CDK14: variants seen among roughly 807,000 people sequenced by gnomAD.
The protein encoded by CDK14 is cyclin-dependent kinase 14.
A neutral mutation model predicts 60.7 loss-of-function variants in CDK14; 34 were observed. That is an observed-to-expected ratio of 0.56 (90% CI 0.43 to 0.75). CDK14 has a LOEUF of 0.75. CDK14 is among the 30% of genes least tolerant of loss of function. CDK14 has a pLI of 0.00. For missense variants in CDK14, 482 were observed against 564.1 expected, an observed-to-expected ratio of 0.85 and a Z score of 1.47; for synonymous variants, 197 against 203.7, an observed-to-expected ratio of 0.97 and a Z score of 0.28.
intron 10 of CDK14, among the ~76,000 whole-genome samples, chr7:91,000,443 C>T (rs1020614977): frequency 3.9e-5 from 6 of 152,142 alleles, no homozygotes; most frequent in Non-Finnish European, 4.4e-5. Flanking sequence ...CAGATTGTTT[C>T]CACCAATAGC....
At chr7:91,002,493 A>C (rs1176202967) in intron 10 of CDK14, among the ~76,000 whole-genome samples, 1 of 152,198 alleles carries the variant, frequency 6.6e-6, no homozygotes, top group Admixed American at 6.5e-5. Flanking sequence ...TTTTGATCCC[A>C]CAGCAGTTTT....
intron 5 of CDK14, among the ~76,000 whole-genome samples, chr7:90,828,972 TG>T (rs1287591736): frequency 1.3e-5 from 2 of 152,094 alleles, no homozygotes; most frequent in South Asian, 2.1e-4. Flanking sequence ...TCTGCATGTC[TG>T]GGGGAGGCCT....
chr7:91,004,803 A>G (rs188795872), intron 10 of CDK14, among the ~76,000 whole-genome samples: 27 of 152,344 alleles, frequency 1.8e-4, no homozygotes, highest in African/African-American at 6.3e-4. Context: ...TCCTGTACCA[A>G]TCAGGGTTCA....
chr7:90,926,021 A>C (rs1231586397), intron 8 of CDK14, among the ~76,000 whole-genome samples: 3 of 152,196 alleles, frequency 2.0e-5, no homozygotes, highest in African/African-American at 7.2e-5. Flanking sequence ...TGGGCCAGAG[A>C]TGGAAAATAA....
chr7:90,596,362 G>GGGGCCACGGCGGCGGCGCGGCGC lies in CDK14; in HGVS notation c.-259_-258insGGCGGCGGCGCGGCGCGGGCCAC, dbSNP rs1563009859. Reference sequence around the variant, plus strand: ...GAGCCGGGCGGCGGCGGCGCGGCGCGGGGCCACCACGGCGGCGGCGAGCGC... The same window carrying GGGGCCACGGCGGCGGCGCGGCGC: ...GAGCCGGGCGGCGGCGGCGCGGCGCGGGGCCACGGCGGCGGCGCGGCGCGGGCCACCACGGCGGCGGCGAGCGC... On this transcript the variant is annotated 5_prime_UTR_variant, in exon 1 of 15. An upstream open reading frame in the 5' UTR loses its in-frame stop. Coordinates refer to ENST00000380050, the MANE Select transcript of CDK14 (RefSeq NM_001287135.2). 1 of 160,676 alleles carries GGGGCCACGGCGGCGGCGCGGCGC rather than the reference G, an allele frequency of 6.2e-6. No homozygotes were observed. The highest frequency in any genetic ancestry group is 2.4e-5 in the African/African-American group (1 of 41,366). 10.0% of individuals were successfully genotyped at this position (160,676 alleles called of 1,614,324 possible).
At chr7:91,112,494 T>C in intron 12 of CDK14, 48 bp from the exon 13 acceptor site, 6 of 1,568,172 alleles carry the variant, frequency 3.8e-6, no homozygotes, top group Non-Finnish European at 5.2e-6. Flanking sequence ...TCTTATTTAG[T>C]GGATTTTCTT....
chr7:90,604,282 T>A, intron 2 of CDK14, 33 bp downstream of exon 2: 1 of 1,402,036 alleles, frequency 7.1e-7, no homozygotes, highest in Non-Finnish European at 9.7e-7. Context: ...ATGTTAGATG[T>A]ATTTAATGAC....
At chr7:90,757,749 G>A (rs941919667) in intron 4 of CDK14, among the ~76,000 whole-genome samples, 1 of 151,942 alleles carries the variant, frequency 6.6e-6, no homozygotes, top group Non-Finnish European at 1.5e-5. Context: ...CTACAGGCAC[G>A]TGCCACCACA....
At chr7:90,890,795 G>C (rs1792096482) in intron 6 of CDK14, among the ~76,000 whole-genome samples, 1 of 152,188 alleles carries the variant, frequency 6.6e-6, no homozygotes, top group African/African-American at 2.4e-5. Flanking sequence ...GAAGAAAGGA[G>C]GGTTCAGCTT....
At chr7:90,977,032 T>C (rs1444153132) in intron 9 of CDK14, among the ~76,000 whole-genome samples, 1 of 152,182 alleles carries the variant, frequency 6.6e-6, no homozygotes, top group African/African-American at 2.4e-5. Context: ...CAGATCAATG[T>C]CCTGTGTTTT....
At chr7:91,117,911 T>C (rs1799655528) in intron 13 of CDK14, among the ~76,000 whole-genome samples, 154 bp from the exon 14 acceptor site, 1 of 152,102 alleles carries the variant, frequency 6.6e-6, no homozygotes, top group Non-Finnish European at 1.5e-5. Flanking sequence ...TGTGTGTGCC[T>C]GCGACCACCT....
At chr7:90,811,450 T>C (rs1360609785) in intron 5 of CDK14, among the ~76,000 whole-genome samples, 1 of 152,164 alleles carries the variant, frequency 6.6e-6, no homozygotes, top group Non-Finnish European at 1.5e-5. Flanking sequence ...TCCTTACACC[T>C]TATACAAAAA....
At chr7:90,816,279 C>T (rs1398568328) in intron 5 of CDK14, among the ~76,000 whole-genome samples, 1 of 152,150 alleles carries the variant, frequency 6.6e-6, no homozygotes, top group Non-Finnish European at 1.5e-5. Flanking sequence ...TCAACCAACA[C>T]CACCACCAGT....
At chr7:90,681,996 T>C (rs1267884718) in intron 2 of CDK14, among the ~76,000 whole-genome samples, 2 of 152,192 alleles carry the variant, frequency 1.3e-5, no homozygotes, top group African/African-American at 4.8e-5. Flanking sequence ...TTAAGTAACA[T>C]TTTTGCTTTG....
intron 2 of CDK14, among the ~76,000 whole-genome samples, chr7:90,651,692 A>G (rs1800646191): frequency 6.6e-6 from 1 of 152,040 alleles, no homozygotes; most frequent in Admixed American, 6.5e-5. Context: ...TGACAGTCAT[A>G]CCAAGAGGCC....
At chr7:90,621,712 A>G (rs1050511616) in intron 2 of CDK14, among the ~76,000 whole-genome samples, 1 of 115,616 alleles carries the variant, frequency 8.6e-6, no homozygotes, top group African/African-American at 3.4e-5. Flanking sequence ...TTCCTTTGCC[A>G]CAGGAATTCA....
intron 4 of CDK14, among the ~76,000 whole-genome samples, chr7:90,790,279 A>G (rs1319680193): frequency 1.3e-5 from 2 of 152,128 alleles, no homozygotes; most frequent in East Asian, 3.8e-4. Context: ...TCTGAGACTA[A>G]TTATCAAGTG....
intron 11 of CDK14, among the ~76,000 whole-genome samples, chr7:91,074,731 T>A (rs1288609418): frequency 4.7e-5 from 7 of 150,054 alleles, no homozygotes; most frequent in African/African-American, 2.5e-5. Flanking sequence ...TTTGAAAAAA[T>A]TAACAAAATA....
intron 11 of CDK14, among the ~76,000 whole-genome samples, chr7:91,048,549 A>G (rs1042108772): frequency 8.5e-5 from 13 of 152,240 alleles, no homozygotes; most frequent in Admixed American, 6.5e-5. Context: ...AGAGCCAACA[A>G]GTATAGACAA....
Sources: allele counts gnomAD v4.1 joint callset (sites outside exome capture counted in the v4.1 genomes callset), GRCh38; gene constraint gnomAD v4.1.1; transcripts MANE v1.5; gene names NCBI Gene and HGNC (gene_info 2026-07-23, HGNC 2026-07-21).